WWOX: variants seen among roughly 807,000 people sequenced by gnomAD.
WWOX encodes the protein WW domain-containing oxidoreductase.
A neutral mutation model predicts 46.2 loss-of-function variants in WWOX; 69 were observed. The observed-to-expected ratio is 1.49, with a 90% CI of 1.23 to 1.82. The LOEUF is 1.82. Ranked by LOEUF, WWOX falls within the 40% of genes most tolerant of loss-of-function variation. The pLI, the probability that WWOX is intolerant of heterozygous loss-of-function variation, is 0.00. For missense variants in WWOX, 919 were observed against 542.6 expected (o/e 1.69, Z -6.89); for synonymous variants, 359 against 202.6 (o/e 1.77, Z -6.56).
intron 8 of WWOX, among the ~76,000 whole-genome samples, chr16:78,765,868 G>A (rs1447723353): frequency 1.3e-5 from 2 of 152,228 alleles, no homozygotes; most frequent in African/African-American, 4.8e-5. Context: ...GACAGAGTGG[G>A]TGGCACAGGC....
intron 8 of WWOX, among the ~76,000 whole-genome samples, chr16:79,013,485 C>T (rs550482671): frequency 1.3e-5 from 2 of 152,266 alleles, no homozygotes; most frequent in East Asian, 1.9e-4. Flanking sequence ...GAGTAAAACG[C>T]ATGTCCCCCC....
chr16:78,376,957 G>C (rs770541588), intron 5 of WWOX, among the ~76,000 whole-genome samples: 2 of 152,132 alleles, frequency 1.3e-5, no homozygotes, highest in Non-Finnish European at 2.9e-5. Context: ...TCTTTTTATT[G>C]AATTTAACCA....
chr16:78,920,783 G>T (rs369504582), intron 8 of WWOX, among the ~76,000 whole-genome samples: 1 of 152,106 alleles, frequency 6.6e-6, no homozygotes, highest in Non-Finnish European at 1.5e-5. Flanking sequence ...TTCTTATTAC[G>T]CTGAGCATGA....
chr16:78,644,897 A>G (rs1234287226), intron 8 of WWOX, among the ~76,000 whole-genome samples: 1 of 152,220 alleles, frequency 6.6e-6, no homozygotes, highest in Non-Finnish European at 1.5e-5. Context: ...CATGTTAGGA[A>G]TATAGATAGG....
intron 8 of WWOX, among the ~76,000 whole-genome samples, chr16:78,659,262 A>G (rs897523517): frequency 6.6e-6 from 1 of 152,148 alleles, no homozygotes; most frequent in African/African-American, 2.4e-5. Context: ...ACTCACAGAG[A>G]TAACCGTGTA....
chr16:78,983,776 A>G (rs2046729580), intron 8 of WWOX, among the ~76,000 whole-genome samples: 1 of 150,922 alleles, frequency 6.6e-6, no homozygotes, highest in Admixed American at 6.6e-5. Context: ...AACCCCTGTG[A>G]CTTTGAGACA....
In WWOX at chr16:78,728,845, T is replaced by C. The variant is rs150819334; in HGVS notation, c.1056+296093T>C. 2.6e-4 allele frequency among the ~76,000 whole-genome samples: 39 copies of C among 152,344 alleles called. 1 individual carries two copies. The highest frequency in any genetic ancestry group is 2.5e-3 in the East Asian group (13 of 5,180). ...CCTCAGGTATGTCACTTAAACCTTG[T>C]GTTGGAGTTTCCTCCTTGTTACATG... On this transcript the variant is annotated intron_variant, in intron 8 of 8. Transcript: ENST00000566780.
intron 8 of WWOX, among the ~76,000 whole-genome samples, chr16:79,013,628 C>T (rs928398721): frequency 6.6e-6 from 1 of 152,150 alleles, no homozygotes; most frequent in Non-Finnish European, 1.5e-5. Flanking sequence ...CCTGTGCTGC[C>T]TGGGTCCCGG....
intron 8 of WWOX, among the ~76,000 whole-genome samples, chr16:79,144,213 T>C (rs2050143236): frequency 1.3e-5 from 2 of 152,204 alleles, no homozygotes. Flanking sequence ...GTCAGCTTTT[T>C]CACTTCAGCA....
chr16:78,835,919 A>T (rs189913092), intron 8 of WWOX, among the ~76,000 whole-genome samples: 221 of 152,302 alleles, frequency 1.5e-3, no homozygotes, highest in Middle Eastern at 0.01. Context: ...GTATCCTCAG[A>T]TATATTTGAG....
At chr16:78,943,330 C>G (rs1180543110) in intron 8 of WWOX, among the ~76,000 whole-genome samples, 1 of 151,986 alleles carries the variant, frequency 6.6e-6, no homozygotes, top group Non-Finnish European at 1.5e-5. Flanking sequence ...ACCCGAGATC[C>G]AAACCCTTTG....
At chr16:78,791,018 CAAAAAAAAA>C (rs775592585) in intron 8 of WWOX, among the ~76,000 whole-genome samples, 3 of 62,440 alleles carry the variant, frequency 4.8e-5, no homozygotes, top group African/African-American at 2.0e-4. Flanking sequence ...GACCCTGTCT[CAAAAAAAAA>C]AAAAAAAAAA....
intron 5 of WWOX, among the ~76,000 whole-genome samples, chr16:78,368,165 G>C (rs920340950): frequency 6.6e-6 from 1 of 152,184 alleles, no homozygotes; most frequent in Non-Finnish European, 1.5e-5. Context: ...GCTCAGTAGC[G>C]TAGAATAAGG....
intron 8 of WWOX, among the ~76,000 whole-genome samples, chr16:78,787,626 A>G (rs2050490528): frequency 6.6e-6 from 1 of 152,108 alleles, no homozygotes; most frequent in Non-Finnish European, 1.5e-5. Context: ...ATGATCATAC[A>G]TGTACTGTTT....
At chr16:78,631,662 C>G (rs902688497) in intron 8 of WWOX, among the ~76,000 whole-genome samples, 1 of 151,846 alleles carries the variant, frequency 6.6e-6, no homozygotes, top group Non-Finnish European at 1.5e-5. Context: ...CCTCAGCCCT[C>G]CAAGTAGGGC....
intron 8 of WWOX, among the ~76,000 whole-genome samples, chr16:79,082,222 A>G (rs755662249): frequency 4.6e-5 from 7 of 152,190 alleles, no homozygotes; most frequent in South Asian, 2.1e-4. Flanking sequence ...TAAAAGCAAT[A>G]TTAATATATG....
intron 8 of WWOX, among the ~76,000 whole-genome samples, chr16:78,785,482 G>A (rs770257389): frequency 3.9e-5 from 6 of 152,124 alleles, no homozygotes; most frequent in Non-Finnish European, 8.8e-5. Flanking sequence ...CAAACACATT[G>A]TGCACCTATA....
chr16:78,896,189 A>T (rs2151234919), intron 8 of WWOX: 1 of 152,250 alleles, frequency 6.6e-6, no homozygotes, highest in African/African-American at 2.4e-5. Context: ...TCATGTTTTA[A>T]ACATAATTAT....
chr16:78,342,444 C>A (rs1329168934), intron 5 of WWOX, among the ~76,000 whole-genome samples: 1 of 120,684 alleles, frequency 8.3e-6, no homozygotes, highest in Non-Finnish European at 2.0e-5. Flanking sequence ...CAGGATGAAG[C>A]AGCATTTTTT....
Sources: gnomAD v4.1 joint callset for allele counts (sites outside exome capture counted in the v4.1 genomes callset) on GRCh38, gnomAD v4.1.1 for gene constraint, MANE v1.5 for transcripts, NCBI Gene and HGNC (gene_info 2026-07-23, HGNC 2026-07-21) for gene names.